DLGAP1: variants seen among roughly 807,000 people sequenced by gnomAD.
DLGAP1 encodes DLG associated protein 1.
DLGAP1 carries 11 observed loss-of-function variants against 90.8 expected under a neutral mutation model. That is an observed-to-expected ratio of 0.12 (90% CI 0.08 to 0.20). The LOEUF is 0.20. Ranked by LOEUF, DLGAP1 falls within the 10% of genes least tolerant of loss-of-function variation. The pLI is 1.00. For missense variants in DLGAP1, 1,050 were observed against 1,333.8 expected, an observed-to-expected ratio of 0.79 and a Z score of 3.31; for synonymous variants, 558 against 540.7, an observed-to-expected ratio of 1.03 and a Z score of -0.44.
intron 1 of DLGAP1, among the ~76,000 whole-genome samples, chr18:4,209,386 T>C (rs557492342): frequency 2.6e-5 from 4 of 152,214 alleles, no homozygotes; most frequent in Non-Finnish European, 5.9e-5. Context: ...AAGTTATATA[T>C]GTACGAGTCA....
intron 1 of DLGAP1, among the ~76,000 whole-genome samples, chr18:4,273,303 T>C (rs2079327183): frequency 6.6e-6 from 1 of 152,216 alleles, no homozygotes; most frequent in Non-Finnish European, 1.5e-5. Context: ...CCGCTCTTGC[T>C]TCCCCAGCAT....
At chr18:4,129,716 T>C (rs2076285845) in intron 2 of DLGAP1, among the ~76,000 whole-genome samples, 1 of 152,180 alleles carries the variant, frequency 6.6e-6, no homozygotes, top group Non-Finnish European at 1.5e-5. Flanking sequence ...AGTACTGGCT[T>C]TCTTCAGAGC....
At chr18:4,226,896 C>T (rs1275370702) in intron 1 of DLGAP1, among the ~76,000 whole-genome samples, 2 of 151,718 alleles carry the variant, frequency 1.3e-5, no homozygotes, top group Admixed American at 1.3e-4. Context: ...CTAAACTCTC[C>T]CATCAAAAGA....
At chr18:3,944,905 G>A (rs926989168) in intron 3 of DLGAP1, among the ~76,000 whole-genome samples, 1 of 152,184 alleles carries the variant, frequency 6.6e-6, no homozygotes, top group Non-Finnish European at 1.5e-5. Flanking sequence ...AGAAAAGTGT[G>A]AATGTGGCTC....
In DLGAP1 at chr18:3,729,263, C is replaced by A; in HGVS notation, c.1463G>T (p.Arg488Leu). The A allele has an allele frequency of 6.2e-7, 1 of 1,614,016 alleles. No homozygotes were observed. Among genetic ancestry groups the A allele is most frequent in the Non-Finnish European group, 8.5e-7 (1 of 1,179,964 alleles). ...CCGCACATAGCTGTGGCTCCGCATG[C>A]GGAAGCAGCCGGGCATGGGCAGGTC... ...ALDLPMPGCF[R>L]MRSHSYVRAI... The change falls in exon 7 of 13, where the codon CGC (arginine) becomes CTC (leucine). Residue 488 changes from arginine to leucine, a missense_variant. Transcript: ENST00000315677. The surrounding 1 kb of genome is among the most constrained non-coding windows in gnomAD (Gnocchi z 6.2).
chr18:3,691,669 T>C lies in DLGAP1; in HGVS notation c.1591+37466A>G, dbSNP rs972923615. Among the ~76,000 whole-genome samples the C allele has an allele frequency of 1.3e-5, 2 of 152,068 alleles. 1 individual carries two copies. The highest frequency in any genetic ancestry group is 4.1e-4 in the South Asian group (2 of 4,824). On this transcript the variant is annotated intron_variant, in intron 7 of 12. Transcript: ENST00000315677. ...GCTTACACCTGTAATCACAACACTTTGGGAGGCCAAGACAGGAGGATCACT... is the reference window on the plus strand; with the variant it reads ...GCTTACACCTGTAATCACAACACTTCGGGAGGCCAAGACAGGAGGATCACT...
chr18:3,540,829 T>C (rs1027294132), intron 9 of DLGAP1, among the ~76,000 whole-genome samples: 6 of 152,220 alleles, frequency 3.9e-5, no homozygotes, highest in Non-Finnish European at 5.9e-5. Flanking sequence ...ATAATTGTGA[T>C]GTTTTTCTCA....
chr18:4,207,023 G>A (rs958218836), intron 1 of DLGAP1, among the ~76,000 whole-genome samples: 11 of 152,170 alleles, frequency 7.2e-5, no homozygotes, highest in East Asian at 1.9e-4. Flanking sequence ...AGCTGGAGGC[G>A]ATGGGATCCA....
intron 3 of DLGAP1, among the ~76,000 whole-genome samples, chr18:4,004,709 CA>C (rs2074265343): frequency 6.6e-6 from 1 of 152,022 alleles, no homozygotes; most frequent in Admixed American, 6.6e-5. Flanking sequence ...TATGTGAAAC[CA>C]CAAAGGAATT....
At chr18:3,522,424 G>A (rs978142200) in intron 10 of DLGAP1, among the ~76,000 whole-genome samples, 16 of 151,100 alleles carry the variant, frequency 1.1e-4, no homozygotes, top group Admixed American at 4.6e-4. Context: ...GGTGTGAGCC[G>A]CTGTACTCGG....
chr18:4,338,481 T>G (rs2081119914), intron 1 of DLGAP1, among the ~76,000 whole-genome samples: 1 of 152,232 alleles, frequency 6.6e-6, no homozygotes, highest in Non-Finnish European at 1.5e-5. Flanking sequence ...ACCCTGGGCA[T>G]GTACCTGATT....
chr18:4,307,399 AC>A (rs1304118035), intron 1 of DLGAP1, among the ~76,000 whole-genome samples: 1 of 152,088 alleles, frequency 6.6e-6, no homozygotes, highest in African/African-American at 2.4e-5. Flanking sequence ...TCTGGTTTCC[AC>A]CTTTGAAATG....
chr18:4,288,272 T>C (rs537222921), intron 1 of DLGAP1, among the ~76,000 whole-genome samples: 18 of 152,264 alleles, frequency 1.2e-4, no homozygotes, highest in African/African-American at 4.1e-4. Context: ...ATTGGGGATT[T>C]TCTCTAAGGA....
intron 7 of DLGAP1, among the ~76,000 whole-genome samples, chr18:3,687,718 T>C (rs1217308727): frequency 6.6e-6 from 1 of 152,082 alleles, no homozygotes; most frequent in East Asian, 1.9e-4. Context: ...AGGACTTTCA[T>C]AGAAAAAACT....
intron 7 of DLGAP1, among the ~76,000 whole-genome samples, chr18:3,650,923 G>C (rs1339502773): frequency 1.3e-5 from 2 of 150,446 alleles, no homozygotes; most frequent in African/African-American, 2.4e-5. Flanking sequence ...AAAATTAGCT[G>C]GGTGTGGTCA....
At chr18:4,139,021 C>T (rs1382712177) in intron 2 of DLGAP1, among the ~76,000 whole-genome samples, 1 of 151,832 alleles carries the variant, frequency 6.6e-6, no homozygotes, top group Non-Finnish European at 1.5e-5. Flanking sequence ...TTTGGGTCTT[C>T]TCTCTTTTAT....
intron 3 of DLGAP1, among the ~76,000 whole-genome samples, chr18:3,991,193 A>G (rs1219947089): frequency 1.3e-5 from 2 of 152,106 alleles, no homozygotes; most frequent in Non-Finnish European, 2.9e-5. Context: ...AAAAAACAAA[A>G]GACCTCATTT....
chr18:4,112,266 G>C (rs919014895), intron 2 of DLGAP1, among the ~76,000 whole-genome samples: 2 of 151,820 alleles, frequency 1.3e-5, no homozygotes, highest in Admixed American at 6.6e-5. Context: ...ATTTAATTCT[G>C]TTGTGGTAAG....
In DLGAP1 at chr18:4,387,923, T is replaced by TCTCACACA. The variant is rs766869482; in HGVS notation, c.-267+67082_-267+67083insTGTGTGAG. On this transcript the variant is annotated intron_variant, in intron 1 of 12. Transcript: ENST00000315677. ...TCCAGCCTGGGTGACAGAGACTCCA[T>TCTCACACA]CACACATACACACACACACACACAC... is the stretch of plus-strand genomic sequence containing the variant. 6.5e-4 allele frequency among the ~76,000 whole-genome samples: 22 copies of TCTCACACA among 33,682 alleles called. No individual in the cohort carries two copies. In the East Asian group the frequency reaches 0.018, roughly 27 times the overall value. The allele number at this position is 33,682 out of a possible 152,430, so 22.1% of individuals were successfully genotyped here. A position where few individuals can be genotyped will look rare whatever the true frequency, so the allele number is the denominator to read the frequency against.
Sources: gnomAD v4.1 joint callset for allele counts (sites outside exome capture counted in the v4.1 genomes callset) on GRCh38, gnomAD v4.1.1 for gene constraint, Gnocchi (gnomAD v3.1) non-coding constraint, MANE v1.5 for transcripts, NCBI Gene and HGNC (gene_info 2026-07-23, HGNC 2026-07-21) for gene names.